KLHL24: variants seen among roughly 807,000 people sequenced by gnomAD.
KLHL24 encodes kelch-like protein 24.
A neutral mutation model predicts 53.4 loss-of-function variants in KLHL24; 29 were observed. That is an observed-to-expected ratio of 0.54 (90% CI 0.40 to 0.74). The LOEUF (loss-of-function observed/expected upper bound fraction) is 0.74, where lower values mean the gene tolerates loss of function less well. Ranked by LOEUF, KLHL24 falls within the 30% of genes least tolerant of loss-of-function variation. The probability of loss-of-function intolerance (pLI) is 0.00; values close to 1 mark genes in which losing one functional copy is unlikely to be tolerated. For synonymous variants in KLHL24, 222 were observed against 253.7 expected (o/e 0.88, Z 1.19); for missense variants, 504 against 744.0 (o/e 0.68, Z 3.75).
At chr3:183,636,937 C>T (rs1173953828) in intron 1 of KLHL24, among the ~76,000 whole-genome samples, 2 of 152,144 alleles carry the variant, frequency 1.3e-5, no homozygotes, top group Non-Finnish European at 2.9e-5. Context: ...GATCGGCTAC[C>T]GTGGCCTGCC....
At chr3:183,675,251 G>T (rs1048231622) in intron 7 of KLHL24, among the ~76,000 whole-genome samples, 6 of 152,104 alleles carry the variant, frequency 3.9e-5, no homozygotes, top group Non-Finnish European at 7.4e-5. Flanking sequence ...AGATTATAAG[G>T]ATAGTGAATA....
chr3:183,679,172 C>T lies in KLHL24; in HGVS notation c.1689C>T (p.Leu563=). The change falls in exon 8 of 8, where the codon CTC becomes CTT. Residue 563 remains leucine (L), a synonymous_variant. Transcript: ENST00000242810. ...RENGEATDTI[L]CYDPATSIIT... ...ATGGAGAAGCCACAGACACTATTCTCTGTTATGATCCTGCAACAAGTATCA... is the reference window on the plus strand; with the variant it reads ...ATGGAGAAGCCACAGACACTATTCTTTGTTATGATCCTGCAACAAGTATCA... 6.2e-7 allele frequency: 1 copy of T among 1,613,944 alleles called. No homozygotes were observed. Among genetic ancestry groups the T allele is most frequent in the Non-Finnish European group, 8.5e-7 (1 of 1,179,848 alleles).
intron 7 of KLHL24, among the ~76,000 whole-genome samples, chr3:183,677,074 A>AT (rs1712023665): frequency 6.6e-6 from 1 of 152,136 alleles, no homozygotes. Flanking sequence ...AGTAAATGGT[A>AT]TTTTACTAGC....
chr3:183,656,767 A>G (rs531605711), intron 3 of KLHL24, among the ~76,000 whole-genome samples: 6 of 151,984 alleles, frequency 3.9e-5, no homozygotes, highest in Non-Finnish European at 8.8e-5. Flanking sequence ...TTGTTTAACA[A>G]TCTGATTCTG....
In KLHL24 at chr3:183,672,446, G is replaced by C; in HGVS notation, c.1564G>C (p.Asp522His). 1 of 1,612,500 alleles carries C rather than the reference G, an allele frequency of 6.2e-7. No individual in the cohort carries two copies. Among genetic ancestry groups the C allele is most frequent in the Non-Finnish European group, 8.5e-7 (1 of 1,179,160 alleles). The change falls in exon 7 of 8, where the codon GAT (aspartate) becomes CAT (histidine). Residue 522 changes from aspartate (D) to histidine (H), a missense_variant. Physicochemically the swap from Asp to His is moderately conservative, Grantham distance 81. Transcript: ENST00000242810. The stretch of plus-strand genomic sequence containing the variant: ...AATATACTGTTACGATCCAGTTGAA[G>C]ATTACTGGATGCACGTACAGAATAC... Reference protein sequence around the residue: ...KAIYCYDPVEDYWMHVQNTFS... With the variant: ...KAIYCYDPVEHYWMHVQNTFS...
chr3:183,639,233 G>A (rs1715897246), intron 1 of KLHL24, among the ~76,000 whole-genome samples: 1 of 152,034 alleles, frequency 6.6e-6, no homozygotes, highest in African/African-American at 2.4e-5. Flanking sequence ...CTTAACTGAG[G>A]TTTCCAAAGG....
chr3:183,670,524 T>C (rs1358388177), intron 5 of KLHL24, among the ~76,000 whole-genome samples: 3 of 152,222 alleles, frequency 2.0e-5, no homozygotes, highest in Non-Finnish European at 1.5e-5. Flanking sequence ...TTGTACGGAC[T>C]AAAAGAAAGG....
Position 183,682,951 on chromosome 3 carries a change from T to C in KLHL24, c.*3665T>C, listed in dbSNP as rs570730656. The C allele has an allele frequency of 2.0e-5, 3 of 150,114 alleles. No homozygotes were observed. Among genetic ancestry groups the C allele is most frequent in the East Asian group, 2.0e-4 (1 of 5,038 alleles). 9.3% of individuals were successfully genotyped at this position (150,114 alleles called of 1,614,324 possible). ...GTATTTTTTTCGTTTTTTTTTTTTT[T>C]TGGGGAAGGGGGGAGAACGGGGTCT... On this transcript the variant is annotated 3_prime_UTR_variant, in exon 8 of 8. Transcript: ENST00000242810.
At chr3:183,659,319 T>C (rs926048796) in intron 3 of KLHL24, among the ~76,000 whole-genome samples, 1 of 152,056 alleles carries the variant, frequency 6.6e-6, no homozygotes, top group Non-Finnish European at 1.5e-5. Context: ...GGTGGATCAC[T>C]TGAGGTCAGG....
intron 3 of KLHL24, among the ~76,000 whole-genome samples, chr3:183,658,283 G>A (rs1026849379): frequency 2.6e-5 from 4 of 151,928 alleles, no homozygotes; most frequent in African/African-American, 9.7e-5. Context: ...CAGATAGTAG[G>A]GTACAGCACT....
At chr3:183,658,564 T>G (rs1043112247) in intron 3 of KLHL24, among the ~76,000 whole-genome samples, 3 of 152,168 alleles carry the variant, frequency 2.0e-5, no homozygotes, top group Admixed American at 2.0e-4. Context: ...ATACATACAC[T>G]GTTAATTTAT....
rs374745812 is a variant in KLHL24 at position 183,639,455 on chromosome 3, C to G, written c.-125+3662C>G. Among the ~76,000 whole-genome samples, 59 of 151,454 alleles carry G rather than the reference C, an allele frequency of 3.9e-4. No individual in the cohort carries two copies. The East Asian group carries it at 0.011, about 27-fold the overall frequency. Reference sequence around the variant, plus strand: ...ACCATCCTGGCTAACACGGAGAAACCCCGTCTCTACTAAAAATACAAAAAA... The same window carrying G: ...ACCATCCTGGCTAACACGGAGAAACGCCGTCTCTACTAAAAATACAAAAAA... On this transcript the variant is annotated intron_variant, in intron 1 of 7. Coordinates refer to ENST00000242810, the MANE Select transcript of KLHL24 (RefSeq NM_017644.3).
chr3:183,655,636 T>G (rs1421406393), intron 3 of KLHL24, among the ~76,000 whole-genome samples: 1 of 151,654 alleles, frequency 6.6e-6, no homozygotes, highest in East Asian at 1.9e-4. Context: ...CTCAAAAAAA[T>G]TCTACTGGCC....
Position 183,671,284 on chromosome 3 carries a change from C to T in KLHL24, c.1413+62C>T. On this transcript the variant is annotated intron_variant, in intron 6 of 7. Coordinates refer to ENST00000242810, the MANE Select transcript of KLHL24 (RefSeq NM_017644.3). Reference sequence around the variant, plus strand: ...AGTACAAGAAGGGAAATACAGAAGGCTTATCAAGTAGGTAGCCAGGTCACA... The same window carrying T: ...AGTACAAGAAGGGAAATACAGAAGGTTTATCAAGTAGGTAGCCAGGTCACA... 3 of 1,451,650 alleles carry T rather than the reference C, an allele frequency of 2.1e-6. No individual in the cohort carries two copies. In the African/African-American group the frequency reaches 4.2e-5, roughly 20 times the overall value. The allele number at this position is 1,451,650 out of a possible 1,614,324, so 89.9% of individuals were successfully genotyped here.
rs1553850391 is a variant in KLHL24 at position 183,682,243 on chromosome 3, G to GC, written c.*2957_*2958insC. The GC allele has an allele frequency of 6.6e-6, 1 of 151,000 alleles. No individual in the cohort carries two copies. The highest frequency in any genetic ancestry group is 1.5e-5 in the Non-Finnish European group (1 of 67,668). 9.4% of individuals were successfully genotyped at this position (151,000 alleles called of 1,614,324 possible). On this transcript the variant is annotated 3_prime_UTR_variant, in exon 8 of 8. Transcript: ENST00000242810. ...ATGCTTTGTAGAACAGAAAAGTATA[G>GC]TTTTTTTTTCATGAACTTTAATCAT...
intron 4 of KLHL24, 53 bp from the exon 5 acceptor site, chr3:183,664,868 G>A: frequency 1.0e-6 from 1 of 972,078 alleles, no homozygotes; most frequent in South Asian, 1.8e-5. Context: ...AGATCTCTTG[G>A]TGACAGCTAT....
chr3:183,658,811 T>A (rs1719286578), intron 3 of KLHL24, among the ~76,000 whole-genome samples: 1 of 151,102 alleles, frequency 6.6e-6, no homozygotes. Flanking sequence ...TTCCTCCCAT[T>A]TTTTTTTTTC....
Position 183,666,751 on chromosome 3 carries a change from G to A in KLHL24, c.1224+1712G>A, listed in dbSNP as rs572905170. On this transcript the variant is annotated intron_variant, in intron 5 of 7. Transcript: ENST00000242810. The stretch of plus-strand genomic sequence containing the variant: ...TTTTAAGATTTGGAAAGTTCAACCT[G>A]TATATTGTCTTTTAAAAAGTCATAT... Among the ~76,000 whole-genome samples the A allele has an allele frequency of 7.9e-5, 12 of 152,190 alleles. No homozygotes were observed. The South Asian group carries it at 2.1e-3, about 26-fold the overall frequency.
At chr3:183,658,447 ATTT>A (rs1560167620) in intron 3 of KLHL24, among the ~76,000 whole-genome samples, 1 of 152,140 alleles carries the variant, frequency 6.6e-6, no homozygotes, top group Non-Finnish European at 1.5e-5. Context: ...ATATACCATA[ATTT>A]ATTTTATTTA....
Sources: allele counts gnomAD v4.1 joint callset (sites outside exome capture counted in the v4.1 genomes callset), GRCh38; gene constraint gnomAD v4.1.1; transcripts MANE v1.5; gene names NCBI Gene and HGNC (gene_info 2026-07-23, HGNC 2026-07-21).